Variants in ZNF804B observed in about 807,000 individuals in gnomAD.
ZNF804B encodes zinc finger protein 804B.
In ZNF804B, 80 loss-of-function variants were observed where a neutral mutation model predicts 101.4. The ratio of observed to expected loss-of-function variants is 0.79; its 90% CI spans 0.66 to 0.95. ZNF804B has a LOEUF of 0.95. ZNF804B is among the 40% of genes least tolerant of loss of function. The pLI is 0.00. For missense variants in ZNF804B, 1,673 were observed against 1,561.9 expected (o/e 1.07, Z -1.20); for synonymous variants, 622 against 558.8 (o/e 1.11, Z -1.59).
intron 1 of ZNF804B, among the ~76,000 whole-genome samples, chr7:89,094,603 A>G (rs1450848269): frequency 6.6e-6 from 1 of 152,046 alleles, no homozygotes; most frequent in East Asian, 1.9e-4. Flanking sequence ...TAGTTTTCCT[A>G]CCCTGATTGA....
intron 1 of ZNF804B, among the ~76,000 whole-genome samples, chr7:89,179,409 A>G (rs1263201763): frequency 5.3e-5 from 8 of 152,188 alleles, no homozygotes. Flanking sequence ...GTTAAAAAAA[A>G]AATCTGCTAT....
chr7:88,793,001 T>C (rs1057371249), intron 1 of ZNF804B, among the ~76,000 whole-genome samples: 3 of 151,940 alleles, frequency 2.0e-5, no homozygotes, highest in African/African-American at 2.4e-5. Context: ...AATGAAAAAT[T>C]GAGGTGCACA....
At chr7:88,993,402 C>T (rs2116157733) in intron 1 of ZNF804B, among the ~76,000 whole-genome samples, 1 of 151,928 alleles carries the variant, frequency 6.6e-6, no homozygotes, top group East Asian at 1.9e-4. Flanking sequence ...GATAAGACTA[C>T]ATTGACATTT....
intron 2 of ZNF804B, among the ~76,000 whole-genome samples, chr7:89,262,837 A>G (rs1789730485): frequency 6.6e-6 from 1 of 152,218 alleles, no homozygotes; most frequent in Admixed American, 6.5e-5. Context: ...TATAGGTATA[A>G]TATCTTCCTA....
Position 88,980,808 on chromosome 7 carries a change from A to G in ZNF804B, c.108+220724A>G, listed in dbSNP as rs145347860. 9.7e-4 allele frequency among the ~76,000 whole-genome samples: 148 copies of G among 152,118 alleles called. 1 individual carries two copies. In the East Asian group the frequency reaches 0.028, roughly 28 times the overall value. On this transcript the variant is annotated intron_variant, in intron 1 of 3. Coordinates refer to ENST00000333190, the MANE Select transcript of ZNF804B (RefSeq NM_181646.5). ...GTTTCACCTAAAGCCCACAGTGACC[A>G]CTGCCTTGCTACTGCTGATGTTCAT...
intron 2 of ZNF804B, among the ~76,000 whole-genome samples, chr7:89,220,084 T>TATATACGCACATATATATGTGTGTATAC (rs1179830128): frequency 7.1e-5 from 2 of 28,102 alleles, no homozygotes; most frequent in African/African-American, 2.7e-4. Context: ...TGTATATACA[T>TATATACGCACATATATATGTGTGTATAC]ATATATACGC....
intron 1 of ZNF804B, among the ~76,000 whole-genome samples, chr7:89,108,183 C>T (rs917166587): frequency 6.6e-6 from 1 of 150,938 alleles, no homozygotes; most frequent in Non-Finnish European, 1.5e-5. Context: ...TCCTTTTAAC[C>T]TCTTTGTGGG....
intron 1 of ZNF804B, among the ~76,000 whole-genome samples, chr7:89,120,069 C>A (rs1387932511): frequency 2.0e-5 from 3 of 151,926 alleles, no homozygotes; most frequent in Non-Finnish European, 4.4e-5. Flanking sequence ...GAAAATCAGC[C>A]ATCATAAAAT....
At chr7:89,227,481 A>G (rs1182601756) in intron 2 of ZNF804B, among the ~76,000 whole-genome samples, 1 of 152,224 alleles carries the variant, frequency 6.6e-6, no homozygotes, top group African/African-American at 2.4e-5. Flanking sequence ...CTAACATTAT[A>G]GAGAGTGTAT....
At chr7:89,003,240 G>T (rs1452957161) in intron 1 of ZNF804B, among the ~76,000 whole-genome samples, 1 of 151,954 alleles carries the variant, frequency 6.6e-6, no homozygotes, top group Non-Finnish European at 1.5e-5. Flanking sequence ...CAATGTAACA[G>T]TTCTCCAGAG....
At chr7:88,814,962 T>C (rs1257320182) in intron 1 of ZNF804B, among the ~76,000 whole-genome samples, 1 of 151,034 alleles carries the variant, frequency 6.6e-6, no homozygotes, top group Non-Finnish European at 1.5e-5. Flanking sequence ...TTAGTGGAAT[T>C]ATTTCTGAGG....
chr7:89,089,926 A>T (rs1363653700), intron 1 of ZNF804B, among the ~76,000 whole-genome samples: 3 of 152,096 alleles, frequency 2.0e-5, no homozygotes, highest in Non-Finnish European at 4.4e-5. Flanking sequence ...GAACCCAAAG[A>T]TCTATGTGTT....
At chr7:88,853,085 T>A (rs897002948) in intron 1 of ZNF804B, among the ~76,000 whole-genome samples, 1 of 152,102 alleles carries the variant, frequency 6.6e-6, no homozygotes, top group Admixed American at 6.6e-5. Context: ...AAGGCAACAT[T>A]AGATAGGTAT....
In ZNF804B at chr7:89,288,710, G is replaced by T. The variant is rs372854183; in HGVS notation, c.250-38634G>T. 1.3e-3 allele frequency among the ~76,000 whole-genome samples: 205 copies of T among 152,118 alleles called. 1 individual carries two copies. The highest frequency in any genetic ancestry group is 4.6e-3 in the African/African-American group (190 of 41,522). The stretch of plus-strand genomic sequence containing the variant: ...AGAAAACAAAAAAATAAGACTGAAG[G>T]GATTTTCGGCAGCCCACATGTGCAT... On this transcript the variant is annotated intron_variant, in intron 2 of 3. Transcript: ENST00000333190.
At chr7:89,224,033 C>T (rs1304699642) in intron 2 of ZNF804B, among the ~76,000 whole-genome samples, 1 of 151,962 alleles carries the variant, frequency 6.6e-6, no homozygotes, top group African/African-American at 2.4e-5. Flanking sequence ...ATCCCTTTCT[C>T]AAGATTGTTA....
intron 1 of ZNF804B, among the ~76,000 whole-genome samples, chr7:89,158,985 A>G (rs1791018329): frequency 6.6e-6 from 1 of 152,152 alleles, no homozygotes; most frequent in Non-Finnish European, 1.5e-5. Context: ...TTCCCAGAAT[A>G]ACTTGAGGAA....
chr7:89,122,611 T>C (rs1038785265), intron 1 of ZNF804B, among the ~76,000 whole-genome samples: 1 of 152,194 alleles, frequency 6.6e-6, no homozygotes, highest in African/African-American at 2.4e-5. Context: ...TTAATGCTTC[T>C]ATGGCTTTCA....
At chr7:89,194,969 T>C (rs1317179253) in intron 1 of ZNF804B, among the ~76,000 whole-genome samples, 11 of 152,144 alleles carry the variant, frequency 7.2e-5, no homozygotes, top group Admixed American at 7.2e-4. Flanking sequence ...TCCATTTGTT[T>C]GTATCCTCTT....
chr7:89,201,887 C>G (rs1305327756), intron 1 of ZNF804B, among the ~76,000 whole-genome samples: 1 of 152,066 alleles, frequency 6.6e-6, no homozygotes, highest in African/African-American at 2.4e-5. Flanking sequence ...AAAATTGTAA[C>G]TTAATGAGGC....
Sources: gnomAD v4.1 joint callset for allele counts (sites outside exome capture counted in the v4.1 genomes callset) on GRCh38, gnomAD v4.1.1 for gene constraint, MANE v1.5 for transcripts, NCBI Gene and HGNC (gene_info 2026-07-23, HGNC 2026-07-21) for gene names.